CTNNA2: variants seen among roughly 807,000 people sequenced by gnomAD.
The protein encoded by CTNNA2 is catenin alpha-2.
CTNNA2 carries 42 observed loss-of-function variants against 101.0 expected under a neutral mutation model. That is an observed-to-expected ratio of 0.42 (90% CI 0.32 to 0.54). The LOEUF (loss-of-function observed/expected upper bound fraction) is 0.54. CTNNA2 is among the 20% of genes least tolerant of loss of function. The probability of loss-of-function intolerance (pLI) is 0.14; values close to 1 mark genes in which losing one functional copy is unlikely to be tolerated. For synonymous variants in CTNNA2, 450 were observed against 456.4 expected, an observed-to-expected ratio of 0.99 and a Z score of 0.18; for missense variants, 871 against 1,223.1, an observed-to-expected ratio of 0.71 and a Z score of 4.29.
intron 1 of CTNNA2, among the ~76,000 whole-genome samples, chr2:79,604,509 G>T (rs567908650): frequency 6.6e-6 from 1 of 152,306 alleles, no homozygotes; most frequent in Admixed American, 6.5e-5. Flanking sequence ...AATCTGAAGT[G>T]TCTAGACTTT....
intron 1 of CTNNA2, among the ~76,000 whole-genome samples, chr2:79,564,389 T>C (rs1434192932): frequency 6.6e-6 from 1 of 152,088 alleles, no homozygotes; most frequent in African/African-American, 2.4e-5. Context: ...TGCGTATTAG[T>C]GGAACGCTGT....
intron 9 of CTNNA2, among the ~76,000 whole-genome samples, chr2:80,459,319 A>G (rs1236693394): frequency 6.6e-6 from 1 of 152,152 alleles, no homozygotes; most frequent in Non-Finnish European, 1.5e-5. Context: ...CAGGCTAAAA[A>G]CCACTATACA....
At chr2:79,280,623 C>CTGTGTGTGTGTGTGTGTGTGTG (rs369268407) in intron 2 of CTNNA2, among the ~76,000 whole-genome samples, 4 of 129,090 alleles carry the variant, frequency 3.1e-5, no homozygotes, top group African/African-American at 1.2e-4. Context: ...ATCCTGTATG[C>CTGTGTGTGTGTGTGTGTGTGTG]TGTGTGTGTG....
intron 18 of CTNNA2, among the ~76,000 whole-genome samples, chr2:80,627,646 A>G (rs535571553): frequency 1.1e-4 from 17 of 152,120 alleles, no homozygotes; most frequent in African/African-American, 4.1e-4. Context: ...ATTTTCTCCC[A>G]TTTTGTAGGT....
At chr2:79,961,425 G>A (rs535437335) in intron 7 of CTNNA2, among the ~76,000 whole-genome samples, 1 of 152,250 alleles carries the variant, frequency 6.6e-6, no homozygotes, top group South Asian at 2.1e-4. Flanking sequence ...GAGAGCCAGT[G>A]GGAAAGAGCT....
chr2:80,073,730 T>TCTCA (rs1553443666), intron 7 of CTNNA2, among the ~76,000 whole-genome samples: 3 of 130,428 alleles, frequency 2.3e-5, no homozygotes, highest in Non-Finnish European at 4.9e-5. Flanking sequence ...TCTCTCTCTG[T>TCTCA]CACACACACA....
At chr2:80,050,442 G>A (rs967587486) in intron 7 of CTNNA2, among the ~76,000 whole-genome samples, 2 of 152,174 alleles carry the variant, frequency 1.3e-5, no homozygotes, top group Non-Finnish European at 1.5e-5. Flanking sequence ...CCCTTGCAGT[G>A]TATTTACAAA....
At chr2:79,532,814 A>G (rs1672824640) in intron 1 of CTNNA2, among the ~76,000 whole-genome samples, 3 of 70,876 alleles carry the variant, frequency 4.2e-5, no homozygotes. Context: ...TTGAAGTTCT[A>G]ATCTTGCTGA....
chr2:79,381,124 T>C (rs1678034054), intron 4 of CTNNA2, among the ~76,000 whole-genome samples: 1 of 152,180 alleles, frequency 6.6e-6, no homozygotes, highest in African/African-American at 2.4e-5. Flanking sequence ...TAGCAAGATG[T>C]TGAAGAGCTT....
At chr2:80,224,167 AAAG>A (rs1276073937) in intron 7 of CTNNA2, among the ~76,000 whole-genome samples, 1 of 152,256 alleles carries the variant, frequency 6.6e-6, no homozygotes, top group South Asian at 2.1e-4. Context: ...AAGAATACAG[AAAG>A]AAGGACACTC....
rs115423962 is a variant in CTNNA2, at chr2:80,536,077, G to C, written c.1291-8905G>C. On this transcript the variant is annotated intron_variant, in intron 9 of 18. Coordinates refer to ENST00000402739, the MANE Select transcript of CTNNA2 (RefSeq NM_001282597.3). The stretch of plus-strand genomic sequence containing the variant: ...TTCAGGGAGGTTTATCATTTCCACT[G>C]TTATTGAATTGTGAAACTCCATCTG... Among the ~76,000 whole-genome samples the C allele has an allele frequency of 2.3e-3, 356 of 152,232 alleles. 1 individual carries two copies. Among genetic ancestry groups the C allele is most frequent in the African/African-American group, 8.1e-3 (337 of 41,534 alleles).
At chr2:79,738,634 G>A (rs370111353) in intron 2 of CTNNA2, among the ~76,000 whole-genome samples, 71 of 152,290 alleles carry the variant, frequency 4.7e-4, no homozygotes, top group African/African-American at 1.7e-3. Flanking sequence ...AATTAACCAG[G>A]AGATATTTCC....
In CTNNA2 at chr2:80,340,740, G is replaced by C. The variant is rs370574242; in HGVS notation, c.1057-52471G>C. Among the ~76,000 whole-genome samples the C allele has an allele frequency of 4.7e-3, 720 of 152,202 alleles. 7 individuals carry two copies. The highest frequency in any genetic ancestry group is 0.017 in the African/African-American group (688 of 41,524). ...CAAGTTATAAATATTTGACTTTTTGGTTGGTGCAAAAATTCCATTCAATTC... is the reference window on the plus strand; with the variant it reads ...CAAGTTATAAATATTTGACTTTTTGCTTGGTGCAAAAATTCCATTCAATTC... On this transcript the variant is annotated intron_variant, in intron 7 of 18. Transcript: ENST00000402739.
chr2:80,564,329 G>A (rs1693862912), intron 12 of CTNNA2, among the ~76,000 whole-genome samples: 2 of 152,086 alleles, frequency 1.3e-5, no homozygotes, highest in African/African-American at 4.8e-5. Context: ...AGAATTAAAT[G>A]TGCCATCCTT....
At chr2:80,477,364 TA>T (rs1327362514) in intron 9 of CTNNA2, among the ~76,000 whole-genome samples, 2 of 152,284 alleles carry the variant, frequency 1.3e-5, no homozygotes, top group East Asian at 3.9e-4. Context: ...ATATTTTCTT[TA>T]AAAAAATCAA....
rs573867481 is a variant in CTNNA2, at chr2:80,484,739, A to G, written c.1291-60243A>G. Among the ~76,000 whole-genome samples the G allele has an allele frequency of 5.1e-4, 78 of 152,286 alleles. 1 individual carries two copies. Among genetic ancestry groups the G allele is most frequent in the South Asian group, 1.0e-3 (5 of 4,824 alleles). On this transcript the variant is annotated intron_variant, in intron 9 of 18. Transcript: ENST00000402739. ...ATAATGGGTCTGGCTGGGCGCAGTG[A>G]CTCACACCTGTAATCCCAGCACTTT...
intron 7 of CTNNA2, among the ~76,000 whole-genome samples, chr2:80,295,251 G>A (rs1220941007): frequency 1.3e-5 from 2 of 151,644 alleles, no homozygotes; most frequent in East Asian, 3.9e-4. Context: ...TGGGTAGGGG[G>A]CTACCTCACA....
intron 7 of CTNNA2, among the ~76,000 whole-genome samples, chr2:79,959,592 C>T (rs993393707): frequency 2.6e-5 from 4 of 152,198 alleles, no homozygotes; most frequent in African/African-American, 9.7e-5. Context: ...GAAGCAACTT[C>T]ATGTATTAGT....
intron 2 of CTNNA2, among the ~76,000 whole-genome samples, chr2:79,739,191 A>G (rs890294761): frequency 6.6e-6 from 1 of 151,770 alleles, no homozygotes; most frequent in African/African-American, 2.4e-5. Flanking sequence ...AGTGGGAATT[A>G]GAGAGAATCC....
Sources: allele counts gnomAD v4.1 joint callset (sites outside exome capture counted in the v4.1 genomes callset), GRCh38; gene constraint gnomAD v4.1.1; transcripts MANE v1.5; gene names NCBI Gene and HGNC (gene_info 2026-07-23, HGNC 2026-07-21).